DNHD1: variants seen among roughly 807,000 people sequenced by gnomAD.
The protein encoded by DNHD1 is dynein heavy chain domain 1.
Under a neutral mutation model 458.1 loss-of-function variants are expected in DNHD1, and 383 were observed. The observed-to-expected ratio is 0.84, with a 90% CI of 0.77 to 0.91. The LOEUF is 0.91. Among genes scored for constraint, DNHD1 ranks in the 40% least tolerant of loss-of-function variants. The pLI is 0.00. For missense variants in DNHD1, 5,336 were observed against 5,866.1 expected, an observed-to-expected ratio of 0.91 and a Z score of 2.95; for synonymous variants, 2,203 against 2,376.9, an observed-to-expected ratio of 0.93 and a Z score of 2.13.
intron 14 of DNHD1, among the ~76,000 whole-genome samples, chr11:6,535,457 C>T (rs1460477542): frequency 6.6e-6 from 1 of 152,112 alleles, no homozygotes; most frequent in African/African-American, 2.4e-5. Flanking sequence ...ATGGATGATT[C>T]CAGGGCTGTG....
Position 6,545,244 on chromosome 11 carries a change from G to A in DNHD1, c.4305G>A (p.Gln1435=). Residue 1435 remains glutamine, a synonymous_variant, in exon 21 of 43, where the codon CAG becomes CAA. Transcript: ENST00000254579. The surrounding 1 kb of genome is among the most constrained non-coding windows in gnomAD (Gnocchi z 4.9). ...CAGGTGGGGAGGAGGTGAAGCTGCA[G>A]GGTCCCCTTCCTCTGCATCCAGATC... The part of the protein sequence containing the change: ...LGAGGEEVKL[Q]GPLPLHPDLP... 2 of 1,551,754 alleles carry A rather than the reference G, an allele frequency of 1.3e-6. No individual in the cohort carries two copies. Among genetic ancestry groups the A allele is most frequent in the South Asian group, 1.2e-5 (1 of 84,062 alleles).
At chr11:6,547,825 T>C in intron 21 of DNHD1, 38 bp from the exon 22 acceptor site, 1 of 1,548,594 alleles carries the variant, frequency 6.5e-7, no homozygotes, top group Non-Finnish European at 8.7e-7. Flanking sequence ...CACCTTTTTC[T>C]ACTGGGGCTC....
intron 10 of DNHD1, among the ~76,000 whole-genome samples, chr11:6,524,532 C>T (rs950248118): frequency 2.0e-5 from 3 of 152,090 alleles, no homozygotes; most frequent in Admixed American, 6.5e-5. Flanking sequence ...TTTTCCTGTC[C>T]GTGAGACTGA....
At chr11:6,549,084 T>C (rs1589887435) in intron 24 of DNHD1, 151 bp downstream of exon 24, 1 of 845,214 alleles carries the variant, frequency 1.2e-6, no homozygotes, top group South Asian at 1.8e-5. Context: ...ATATGCTCCC[T>C]GAACAATCCC....
intron 28 of DNHD1, among the ~76,000 whole-genome samples, chr11:6,561,639 G>A (rs984449583): frequency 6.6e-6 from 1 of 152,198 alleles, no homozygotes; most frequent in Non-Finnish European, 1.5e-5. Flanking sequence ...GTGCCCCGCT[G>A]TGCAGCACAG....
chr11:6,538,301 T>A, intron 14 of DNHD1, 82 bp from the exon 15 acceptor site: 1 of 1,374,666 alleles, frequency 7.3e-7, no homozygotes, highest in Non-Finnish European at 1.0e-6. Context: ...CTTCTGTCAT[T>A]ATGGGCTCTT....
At chr11:6,525,746 T>A (rs1852698169) in intron 10 of DNHD1, among the ~76,000 whole-genome samples, 1 of 152,050 alleles carries the variant, frequency 6.6e-6, no homozygotes, top group Non-Finnish European at 1.5e-5. Flanking sequence ...CTTTTTTCCT[T>A]TGTGTATCTT....
In DNHD1 at chr11:6,570,878, C is replaced by G. The variant is rs907850960; in HGVS notation, c.13366C>G (p.Leu4456Val). Residue 4456 changes from leucine to valine, a missense_variant, in exon 42 of 43, where the codon CTG becomes GTG. Physicochemically the swap from Leu to Val is conservative, Grantham distance 32. Transcript: ENST00000254579. Reference sequence around the variant, plus strand: ...CCGGAGGCTGGAGTCACTGCAGGATCTGCTGACCCACGTGATTCGCCAAGA... The same window carrying G: ...CCGGAGGCTGGAGTCACTGCAGGATGTGCTGACCCACGTGATTCGCCAAGA... The part of the protein sequence containing the change: ...VNRRLESLQD[L>V]LTHVIRQDES... 5 of 1,614,008 alleles carry G rather than the reference C, an allele frequency of 3.1e-6. No individual in the cohort carries two copies. Among genetic ancestry groups the G allele is most frequent in the African/African-American group, 2.7e-5 (2 of 75,076 alleles).
At chr11:6,550,031 G>A (rs1362138491) in intron 24 of DNHD1, among the ~76,000 whole-genome samples, 2 of 152,162 alleles carry the variant, frequency 1.3e-5, no homozygotes, top group East Asian at 1.9e-4. Context: ...GTTAAACAGC[G>A]AAGTCTCTTA....
At chr11:6,515,779 A>AT (rs61095437) in intron 7 of DNHD1, among the ~76,000 whole-genome samples, 3,145 of 108,234 alleles carry the variant, frequency 0.029, 114 homozygotes, top group African/African-American at 0.058. Flanking sequence ...CTATAGACAC[A>AT]TTTTTTTTTT....
intron 10 of DNHD1, among the ~76,000 whole-genome samples, chr11:6,524,419 C>T (rs1852667040): frequency 6.6e-6 from 1 of 152,208 alleles, no homozygotes; most frequent in African/African-American, 2.4e-5. Flanking sequence ...GTCCAGTTAT[C>T]TCTCCTTCCT....
At position 6,557,048 on chromosome 11, in the gene DNHD1, C is replaced by A; in HGVS notation, c.7753C>A (p.Pro2585Thr). The A allele has an allele frequency of 6.4e-7, 1 of 1,551,618 alleles. No homozygotes were observed. Among genetic ancestry groups the A allele is most frequent in the Non-Finnish European group, 8.7e-7 (1 of 1,146,986 alleles). The change falls in exon 25 of 43, where the codon CCA (proline) becomes ACA (threonine). Residue 2585 changes from proline to threonine, a missense_variant. Pro to Thr is a conservative substitution (Grantham distance 38). Transcript: ENST00000254579. ...TTGCTTCATGCCTTCACCCCTCCACCCACACTACCACTTCTCCCTACACTC... is the reference window on the plus strand; with the variant it reads ...TTGCTTCATGCCTTCACCCCTCCACACACACTACCACTTCTCCCTACACTC... ...CNCFMPSPLH[P>T]HYHFSLHSVS...
chr11:6,507,066 G>T (rs1259845352), intron 4 of DNHD1, among the ~76,000 whole-genome samples: 1 of 152,168 alleles, frequency 6.6e-6, no homozygotes, highest in Non-Finnish European at 1.5e-5. Flanking sequence ...GACTCAGGAA[G>T]ATACTGATTT....
chr11:6,502,978 A>G lies in DNHD1; in HGVS notation c.920+52A>G, dbSNP rs779917720. ...TCCTCCCCCTGCCTGGTTTCCTTCT[A>G]TGCTATCTTCCCCCTCCTCTTTCTC... On this transcript the variant is annotated intron_variant, in intron 4 of 42. Coordinates refer to ENST00000254579, the MANE Select transcript of DNHD1 (RefSeq NM_144666.3). 6.3e-6 allele frequency: 10 copies of G among 1,589,646 alleles called. No individual in the cohort carries two copies. In the East Asian group the frequency reaches 9.1e-5, roughly 15 times the overall value.
intron 4 of DNHD1, chr11:6,504,128 T>G (rs1852187039): frequency 6.6e-6 from 1 of 152,348 alleles, no homozygotes; most frequent in Non-Finnish European, 1.5e-5. Flanking sequence ...TCTCTTGAAC[T>G]TAGGTAGCAC....
chr11:6,510,088 A>ATTTT (rs367958360), intron 6 of DNHD1, among the ~76,000 whole-genome samples: 1 of 148,364 alleles, frequency 6.7e-6, no homozygotes. Context: ...ACTCAAAAGA[A>ATTTT]TTTTTTTTTT....
At position 6,547,652 on chromosome 11, in the gene DNHD1, A is replaced by G; in HGVS notation, c.6713A>G (p.Lys2238Arg). 1 of 1,524,822 alleles carries G rather than the reference A, an allele frequency of 6.6e-7. No homozygotes were observed. Among genetic ancestry groups the G allele is most frequent in the Non-Finnish European group, 8.9e-7 (1 of 1,129,384 alleles). The allele number at this position is 1,524,822 out of a possible 1,614,324, so 94.5% of individuals were successfully genotyped here. ...CTCCACCTTCGCCTAAAGGAGGAGAAGGCCCCTGGCCCAGGTGGGAAGATG... is the reference window on the plus strand; with the variant it reads ...CTCCACCTTCGCCTAAAGGAGGAGAGGGCCCCTGGCCCAGGTGGGAAGATG... ...LDLHLRLKEE[K>R]APGPEDLSYS... is the part of the protein sequence containing the mutation. Residue 2238 changes from lysine to arginine, a missense_variant, in exon 21 of 43, where the codon AAG becomes AGG. Physicochemically the swap from Lys to Arg is conservative, Grantham distance 26 (BLOSUM62 2). This residue lies in a region of DNHD1 where 3,932 missense variants were observed against 4,365.6 expected (regional missense o/e 0.90). Transcript: ENST00000254579.
rs1055141122 is a variant in DNHD1 at position 6,502,637 on chromosome 11, G to T, written c.747-116G>T. 7.8e-6 allele frequency: 7 copies of T among 892,196 alleles called. No homozygotes were observed. The Admixed American group carries it at 2.1e-4, about 26-fold the overall frequency. The allele number at this position is 892,196 out of a possible 1,614,324, so 55.3% of individuals were successfully genotyped here. A position where few individuals can be genotyped will look rare whatever the true frequency, so the allele number is the denominator to read the frequency against. On this transcript the variant is annotated intron_variant, in intron 3 of 42. Coordinates refer to ENST00000254579, the MANE Select transcript of DNHD1 (RefSeq NM_144666.3). ...GTCAGGCTCGACAATGCCACGTCAGGTCTCCTCAGGCACCTGATCTAGTCC... is the reference window on the plus strand; with the variant it reads ...GTCAGGCTCGACAATGCCACGTCAGTTCTCCTCAGGCACCTGATCTAGTCC...
chr11:6,517,177 T>C (rs980194283), intron 7 of DNHD1, among the ~76,000 whole-genome samples: 1 of 152,244 alleles, frequency 6.6e-6, no homozygotes, highest in Non-Finnish European at 1.5e-5. Flanking sequence ...AAATGGAATA[T>C]ATTCAAGGTG....
Sources: gnomAD v4.1 joint callset for allele counts (sites outside exome capture counted in the v4.1 genomes callset) on GRCh38, gnomAD v4.1.1 for gene constraint, gnomAD v4.1.1 regional missense constraint, Gnocchi (gnomAD v3.1) non-coding constraint, MANE v1.5 for transcripts, NCBI Gene and HGNC (gene_info 2026-07-23, HGNC 2026-07-21) for gene names.